VGLL4: variants seen among roughly 807,000 people sequenced by gnomAD.
VGLL4 encodes the protein vestigial like family member 4, also known as transcription cofactor vestigial-like protein 4.
In VGLL4, 7 loss-of-function variants were observed where a neutral mutation model predicts 21.0. That is an observed-to-expected ratio of 0.33 (90% CI 0.19 to 0.63). VGLL4 has a LOEUF of 0.63. Among genes scored for constraint, VGLL4 ranks in the 20% least tolerant of loss-of-function variants. VGLL4 has a pLI of 0.78. For missense variants in VGLL4, 394 were observed against 425.7 expected, an observed-to-expected ratio of 0.93 and a Z score of 0.66; for synonymous variants, 222 against 173.2, an observed-to-expected ratio of 1.28 and a Z score of -2.21.
exon 1 of VGLL4, chr3:11,720,420 G>A (rs887362462): frequency 2.6e-5 from 4 of 152,416 alleles, no homozygotes; most frequent in Admixed American, 1.3e-4. Flanking sequence ...CACCGGCTGC[G>A]GGAGGGGCTG....
In VGLL4 at chr3:11,558,732, T is replaced by C. The variant is rs1473501373; in HGVS notation, c.715A>G (p.Ile239Val). 2.5e-6 allele frequency: 4 copies of C among 1,614,074 alleles called. No homozygotes were observed. Among genetic ancestry groups the C allele is most frequent in the Non-Finnish European group, 3.4e-6 (4 of 1,180,038 alleles). Residue 239 changes from isoleucine (I) to valine (V), a missense_variant, in exon 5 of 5, where the codon ATC becomes GTC. By Grantham distance (29) the Ile-to-Val change is conservative. Transcript: ENST00000430365. ...EPEPAPNSVS[I>V]TGSVDDHFAK... ...AAGTGGTCGTCCACGGAGCCCGTGA[T>C]GGACACGGAGTTGGGTGCCGGCTCG...
chr3:11,606,818 A>C (rs992418136), intron 1 of VGLL4, among the ~76,000 whole-genome samples: 1 of 152,120 alleles, frequency 6.6e-6, no homozygotes, highest in East Asian at 1.9e-4. Flanking sequence ...GCAGCAACCC[A>C]CTCAAGTCCC....
chr3:11,660,772 G>A (rs2076026284), intron 2 of VGLL4, among the ~76,000 whole-genome samples: 1 of 152,054 alleles, frequency 6.6e-6, no homozygotes, highest in South Asian at 2.1e-4. Context: ...TACTTCTCAT[G>A]CTTCCAAGTA....
rs192929078 is a variant in VGLL4 at position 11,605,648 on chromosome 3, G to C, written c.83-3626C>G. 6.3e-3 allele frequency among the ~76,000 whole-genome samples: 966 copies of C among 152,150 alleles called. 47 individuals are homozygous for C. The highest frequency in any genetic ancestry group is 8.4e-4 in the Non-Finnish European group (57 of 68,012). ...TCTCCTCTTCCTCTGAACATCTATA[G>C]AAACTTATCACTCTGGTGCTTCCCT... is the stretch of plus-strand genomic sequence containing the variant. On this transcript the variant is annotated intron_variant, in intron 1 of 4. Transcript: ENST00000430365.
chr3:11,579,332 G>T (rs1459948281), intron 2 of VGLL4, among the ~76,000 whole-genome samples: 1 of 152,016 alleles, frequency 6.6e-6, no homozygotes. Flanking sequence ...TACTGACAAT[G>T]GACACCCTAA....
chr3:11,620,083 G>A (rs1190577174), intron 1 of VGLL4, among the ~76,000 whole-genome samples: 1 of 152,110 alleles, frequency 6.6e-6, no homozygotes, highest in African/African-American at 2.4e-5. Context: ...GTTGGGTACT[G>A]AGAAGAGATG....
chr3:11,582,072 T>G (rs1030626165), intron 2 of VGLL4, among the ~76,000 whole-genome samples: 11 of 152,202 alleles, frequency 7.2e-5, no homozygotes, highest in Middle Eastern at 3.2e-3. Flanking sequence ...AAACTGTGCA[T>G]GGCACAAATC....
intron 2 of VGLL4, among the ~76,000 whole-genome samples, chr3:11,654,997 C>T (rs1161767228): frequency 1.3e-5 from 2 of 152,186 alleles, no homozygotes; most frequent in African/African-American, 4.8e-5. Flanking sequence ...GCCAGCATTA[C>T]CTTATCCTCC....
intron 2 of VGLL4, among the ~76,000 whole-genome samples, chr3:11,702,300 T>C (rs1019252096): frequency 9.9e-5 from 15 of 151,974 alleles, no homozygotes; most frequent in African/African-American, 3.4e-4. Flanking sequence ...GTTCAAACTC[T>C]AGCATACAAA....
At chr3:11,585,866 T>G (rs2074350304) in intron 2 of VGLL4, among the ~76,000 whole-genome samples, 1 of 152,060 alleles carries the variant, frequency 6.6e-6, no homozygotes, top group African/African-American at 2.4e-5. Context: ...CCTAAATCCC[T>G]CCTTTATCAT....
intron 2 of VGLL4, among the ~76,000 whole-genome samples, chr3:11,649,756 G>A (rs1316127690): frequency 6.6e-6 from 1 of 152,150 alleles, no homozygotes; most frequent in Non-Finnish European, 1.5e-5. Context: ...ATGTGTACGT[G>A]CTTTTTATCT....
intron 2 of VGLL4, among the ~76,000 whole-genome samples, chr3:11,572,549 C>T (rs1283670892): frequency 6.6e-6 from 1 of 152,204 alleles, no homozygotes; most frequent in Non-Finnish European, 1.5e-5. Flanking sequence ...CCCCTCTCTT[C>T]GTCCCCTGGG....
rs78865663 is a variant in VGLL4, at chr3:11,603,337, A to C, written c.83-1315T>G. Among the ~76,000 whole-genome samples the C allele has an allele frequency of 1.0e-3, 154 of 152,286 alleles. No individual in the cohort carries two copies. In the East Asian group the frequency reaches 0.026, roughly 26 times the overall value. On this transcript the variant is annotated intron_variant, in intron 1 of 4. Transcript: ENST00000430365. ...GATTCTGGCCCCAAAGCAAACTGGA[A>C]CTTTCCATTTTAAATGAGATACCTA...
rs557560971 is a variant in VGLL4, at chr3:11,568,656, C to G, written c.273-3637G>C. The G allele has an allele frequency of 2.0e-4, 311 of 1,562,998 alleles. 6 individuals carry two copies. In the Middle Eastern group the frequency reaches 0.013, roughly 65 times the overall value. ...GGAGCTTCAAGACAGACATTGTTTT[C>G]CAGGCCCCGCTCGCCCGGATGAATC... On this transcript the variant is annotated intron_variant, in intron 2 of 4. Transcript: ENST00000430365. The surrounding 1 kb of genome is among the most constrained non-coding windows in gnomAD (Gnocchi z 5.9).
At chr3:11,563,750 G>C (rs563882122) in intron 3 of VGLL4, among the ~76,000 whole-genome samples, 1 of 152,224 alleles carries the variant, frequency 6.6e-6, no homozygotes, top group East Asian at 1.9e-4. Context: ...GCACACAGCA[G>C]GGGTCTGTGC....
intron 2 of VGLL4, among the ~76,000 whole-genome samples, chr3:11,695,492 C>A (rs968048929): frequency 2.0e-5 from 3 of 151,842 alleles, no homozygotes; most frequent in Non-Finnish European, 4.4e-5. Flanking sequence ...AAACATGTAC[C>A]AAAAGACAGA....
At chr3:11,600,851 C>T (rs1468061024) in intron 2 of VGLL4, among the ~76,000 whole-genome samples, 1 of 152,074 alleles carries the variant, frequency 6.6e-6, no homozygotes, top group African/African-American at 2.4e-5. Flanking sequence ...CTAGAGTGAG[C>T]GCTTGGGAAG....
intron 2 of VGLL4, among the ~76,000 whole-genome samples, chr3:11,664,363 G>T (rs1047951040): frequency 6.6e-6 from 1 of 152,192 alleles, no homozygotes; most frequent in Non-Finnish European, 1.5e-5. Flanking sequence ...AATCAAGAGA[G>T]CACTCTATGG....
intron 2 of VGLL4, among the ~76,000 whole-genome samples, chr3:11,678,978 TG>T (rs1559940535): frequency 6.6e-6 from 1 of 152,228 alleles, no homozygotes; most frequent in African/African-American, 2.4e-5. Flanking sequence ...GTGATGCTGG[TG>T]TAAACACACC....
Sources: allele counts gnomAD v4.1 joint callset (sites outside exome capture counted in the v4.1 genomes callset), GRCh38; gene constraint gnomAD v4.1.1; non-coding constraint Gnocchi (gnomAD v3.1); transcripts MANE v1.5; gene names NCBI Gene and HGNC (gene_info 2026-07-23, HGNC 2026-07-21).